Variants in ABCA1 observed in about 807,000 individuals in gnomAD.
ABCA1 encodes phospholipid-transporting ATPase ABCA1.
A neutral mutation model predicts 262.5 loss-of-function variants in ABCA1; 133 were observed. The observed-to-expected ratio is 0.51, with a 90% confidence interval of 0.44 to 0.59. ABCA1 has a LOEUF of 0.59. Among genes scored for constraint, ABCA1 ranks in the 20% least tolerant of loss-of-function variants. The pLI is 0.00. For missense variants in ABCA1, 2,452 were observed against 2,777.5 expected (o/e 0.88, Z 2.63); for synonymous variants, 1,022 against 1,043.5 (o/e 0.98, Z 0.40).
chr9:104,784,325 C>T lies in ABCA1; in HGVS notation c.6776G>A (p.Ser2259Asn). Residue 2259 changes from serine (S) to asparagine (N), a missense_variant, in exon 50 of 50, where the codon AGC becomes AAC. Physicochemically the swap from Ser to Asn is conservative, Grantham distance 46. Around this residue, in one of 4 missense-constraint regions of ABCA1, gnomAD observed 752 missense variants for 944.5 expected, o/e 0.80. Coordinates refer to ENST00000374736, the MANE Select transcript of ABCA1 (RefSeq NM_005502.4). ...TATGAACAGGATTCTTCATACATAG[C>T]TTTCTTTCACTTTCTCATCCTGTAG... ...SFLQDEKVKE[S>N]YV 1 of 1,614,106 alleles carries T rather than the reference C, an allele frequency of 6.2e-7. No individual in the cohort carries two copies. The highest frequency in any genetic ancestry group is 8.5e-7 in the Non-Finnish European group (1 of 1,179,992).
intron 1 of ABCA1, among the ~76,000 whole-genome samples, chr9:104,924,974 T>C (rs1482656160): frequency 6.6e-6 from 1 of 152,230 alleles, no homozygotes; most frequent in African/African-American, 2.4e-5. Context: ...ACAATGGGAC[T>C]TCCTTGAGCA....
intron 14 of ABCA1, among the ~76,000 whole-genome samples, chr9:104,830,211 G>C (rs570226274): frequency 2.0e-4 from 30 of 152,316 alleles, no homozygotes; most frequent in African/African-American, 7.0e-4. Context: ...TTTTATTTGG[G>C]TTGTTTTGAA....
intron 39 of ABCA1, among the ~76,000 whole-genome samples, chr9:104,794,954 A>G (rs532784159): frequency 6.6e-6 from 1 of 152,344 alleles, no homozygotes; most frequent in Non-Finnish European, 1.5e-5. Context: ...ATATCTACCA[A>G]CTGAATAAGG....
At chr9:104,861,507 G>A (rs969908940) in intron 6 of ABCA1, 172 bp downstream of exon 6, 13 of 881,778 alleles carry the variant, frequency 1.5e-5, no homozygotes, top group Non-Finnish European at 1.8e-6. Context: ...ACTCCTGGAT[G>A]GTTTGGCAAT....
chr9:104,807,037 AG>A (rs1426943326), intron 30 of ABCA1, among the ~76,000 whole-genome samples: 3 of 152,238 alleles, frequency 2.0e-5, no homozygotes, highest in Non-Finnish European at 4.4e-5. Flanking sequence ...CAAAGGCCCT[AG>A]GAAGAAATGC....
chr9:104,918,953 C>A (rs918274618), intron 1 of ABCA1, among the ~76,000 whole-genome samples: 1 of 152,188 alleles, frequency 6.6e-6, no homozygotes, highest in African/African-American at 2.4e-5. Flanking sequence ...TGGCATCCTA[C>A]AAGAATTTTG....
rs1841512170 is a variant in ABCA1, at chr9:104,911,750, G to A, written c.-92-7979C>T. Among the ~76,000 whole-genome samples, 7 of 152,172 alleles carry A rather than the reference G, an allele frequency of 4.6e-5. No individual in the cohort carries two copies. The South Asian group carries it at 1.5e-3, about 32-fold the overall frequency. ...TAGGGGGCCTTGCAGAAGGGTCATG[G>A]GCTGGTACTCCCCCCTGAAACTGTG... On this transcript the variant is annotated intron_variant, in intron 1 of 49. Coordinates refer to ENST00000374736, the MANE Select transcript of ABCA1 (RefSeq NM_005502.4).
At chr9:104,809,893 A>C (rs942143157) in intron 29 of ABCA1, among the ~76,000 whole-genome samples, 18 of 152,174 alleles carry the variant, frequency 1.2e-4, no homozygotes, top group East Asian at 7.7e-4. Context: ...AAGTATTTCA[A>C]AAGTGCTTTC....
At chr9:104,901,252 G>T (rs905427880) in intron 2 of ABCA1, among the ~76,000 whole-genome samples, 2 of 152,208 alleles carry the variant, frequency 1.3e-5, no homozygotes, top group Non-Finnish European at 1.5e-5. Context: ...TGATGGGACA[G>T]AATGAGGCTC....
At chr9:104,843,614 A>G (rs1297558037) in intron 8 of ABCA1, among the ~76,000 whole-genome samples, 1 of 152,194 alleles carries the variant, frequency 6.6e-6, no homozygotes, top group East Asian at 1.9e-4. Context: ...CAAAATGGAC[A>G]TGATGAGACC....
intron 2 of ABCA1, among the ~76,000 whole-genome samples, chr9:104,889,658 TTAGCA>T (rs930391469): frequency 2.0e-5 from 3 of 152,146 alleles, no homozygotes; most frequent in Non-Finnish European, 4.4e-5. Context: ...ATTCCCAGCC[TTAGCA>T]TAGTGCCAGG....
chr9:104,809,137 T>C (rs1051366805), intron 30 of ABCA1, among the ~76,000 whole-genome samples: 5 of 152,194 alleles, frequency 3.3e-5, no homozygotes, highest in African/African-American at 1.2e-4. Flanking sequence ...ATTGAAGCAC[T>C]TAAGTACAGG....
intron 11 of ABCA1, among the ~76,000 whole-genome samples, chr9:104,833,062 T>C (rs1833484621): frequency 6.6e-6 from 1 of 152,242 alleles, no homozygotes; most frequent in Non-Finnish European, 1.5e-5. Flanking sequence ...ACATCTCACT[T>C]AATGGTATTA....
chr9:104,793,166 C>T lies in ABCA1; in HGVS notation c.5636+5G>A. On this transcript the variant is annotated splice_donor_5th_base_variant and intron_variant, in intron 41 of 49. Coordinates refer to ENST00000374736, the MANE Select transcript of ABCA1 (RefSeq NM_005502.4). ...GTGCTCCACGGGTTCTAAGAAAAAG[C>T]TCACCTGGGCCTGATGAAGAATCTG... 6.2e-7 allele frequency: 1 copy of T among 1,614,032 alleles called. No individual in the cohort carries two copies. Among genetic ancestry groups the T allele is most frequent in the African/African-American group, 1.3e-5 (1 of 75,012 alleles).
At chr9:104,814,615 T>G in intron 25 of ABCA1, 140 bp from the exon 26 acceptor site, 1 of 878,544 alleles carries the variant, frequency 1.1e-6, no homozygotes, top group Non-Finnish European at 1.9e-6. Context: ...TAATAACACT[T>G]TCTCAGAGTT....
At chr9:104,849,209 G>A (rs554201682) in intron 7 of ABCA1, among the ~76,000 whole-genome samples, 16 of 152,238 alleles carry the variant, frequency 1.1e-4, no homozygotes, top group African/African-American at 3.9e-4. Context: ...CACACAGCAG[G>A]GCCTAAAGCA....
At chr9:104,868,216 G>A (rs754185599) in intron 5 of ABCA1, among the ~76,000 whole-genome samples, 5 of 152,106 alleles carry the variant, frequency 3.3e-5, no homozygotes, top group Admixed American at 6.6e-5. Context: ...AAAATTAGCC[G>A]GGTGTGGTGG....
chr9:104,875,501 C>T (rs181172855), intron 5 of ABCA1, among the ~76,000 whole-genome samples: 2 of 152,262 alleles, frequency 1.3e-5, no homozygotes, highest in East Asian at 1.9e-4. Flanking sequence ...GCTGCTGCCC[C>T]GGATCTCTCT....
intron 24 of ABCA1, 127 bp from the exon 25 acceptor site, chr9:104,816,472 G>A: frequency 1.2e-6 from 1 of 867,400 alleles, no homozygotes. Context: ...AGGTGTTTAG[G>A]TCATTCCACA....
Sources: allele counts gnomAD v4.1 joint callset (sites outside exome capture counted in the v4.1 genomes callset), GRCh38; gene constraint gnomAD v4.1.1; regional missense constraint gnomAD v4.1.1; transcripts MANE v1.5; gene names NCBI Gene and HGNC (gene_info 2026-07-23, HGNC 2026-07-21).